NUP133: variants seen among roughly 807,000 people sequenced by gnomAD.
NUP133 encodes nucleoporin 133.
In NUP133, 66 loss-of-function variants were observed where a neutral mutation model predicts 146.2. That is an observed-to-expected ratio of 0.45 (90% CI 0.37 to 0.55). The LOEUF (loss-of-function observed/expected upper bound fraction) is 0.55, where lower values mean the gene tolerates loss of function less well. Ranked by LOEUF, NUP133 falls within the 20% of genes least tolerant of loss-of-function variation. The pLI is 0.00. For synonymous variants in NUP133, 521 were observed against 498.8 expected, an observed-to-expected ratio of 1.04 and a Z score of -0.59; for missense variants, 1,277 against 1,374.8, an observed-to-expected ratio of 0.93 and a Z score of 1.12.
intron 24 of NUP133, among the ~76,000 whole-genome samples, chr1:229,447,815 T>C (rs984645155): frequency 6.6e-6 from 1 of 152,182 alleles, no homozygotes; most frequent in Non-Finnish European, 1.5e-5. Context: ...CTGTATTCTA[T>C]GTGATACTTT....
chr1:229,454,011 T>C (rs1251412945), intron 21 of NUP133, among the ~76,000 whole-genome samples: 1 of 152,198 alleles, frequency 6.6e-6, no homozygotes, highest in African/African-American at 2.4e-5. Context: ...AATATATTGA[T>C]TGAAAATAAT....
chr1:229,466,885 G>C, intron 15 of NUP133, 129 bp from the exon 16 acceptor site: 2 of 695,350 alleles, frequency 2.9e-6, no homozygotes, highest in South Asian at 8.0e-5. Context: ...ATTGGCAGTT[G>C]ATGGTAAAAA....
intron 21 of NUP133, among the ~76,000 whole-genome samples, chr1:229,455,129 A>T (rs1456599272): frequency 6.6e-6 from 1 of 152,154 alleles, no homozygotes; most frequent in African/African-American, 2.4e-5. Context: ...CCTCAAAAGG[A>T]AAAAAATGAC....
intron 21 of NUP133, among the ~76,000 whole-genome samples, chr1:229,457,482 A>G (rs774205793): frequency 7.9e-5 from 12 of 152,168 alleles, no homozygotes; most frequent in Non-Finnish European, 1.6e-4. Context: ...CATAACCCAC[A>G]TACATCCTCC....
intron 21 of NUP133, among the ~76,000 whole-genome samples, chr1:229,454,577 G>T (rs1660521700): frequency 6.6e-6 from 1 of 152,184 alleles, no homozygotes; most frequent in Non-Finnish European, 1.5e-5. Flanking sequence ...TACCAGAAGA[G>T]TTATTTTTAA....
intron 19 of NUP133, among the ~76,000 whole-genome samples, chr1:229,462,004 C>T (rs761138427): frequency 2.0e-5 from 3 of 152,106 alleles, no homozygotes; most frequent in Non-Finnish European, 4.4e-5. Context: ...CTGCCTCAAC[C>T]TCCAGAACAG....
At chr1:229,459,539 A>G (rs1660646879) in intron 20 of NUP133, among the ~76,000 whole-genome samples, 1 of 152,072 alleles carries the variant, frequency 6.6e-6, no homozygotes, top group Admixed American at 6.6e-5. Context: ...GTGTGCGTAT[A>G]ACATCCCCTC....
At chr1:229,469,926 T>A (rs1321981521) in intron 15 of NUP133, among the ~76,000 whole-genome samples, 2 of 152,194 alleles carry the variant, frequency 1.3e-5, no homozygotes, top group Non-Finnish European at 2.9e-5. Flanking sequence ...CTTGGGAGGC[T>A]GAGGCAGGAG....
At chr1:229,456,226 A>G (rs73114343) in intron 21 of NUP133, among the ~76,000 whole-genome samples, 6,907 of 152,242 alleles carry the variant, frequency 0.045, 461 homozygotes, top group African/African-American at 0.15. Context: ...AGATTTGTCT[A>G]CTGATACTCC....
At chr1:229,499,932 A>C in intron 4 of NUP133, 114 bp from the exon 5 acceptor site, 2 of 1,274,426 alleles carry the variant, frequency 1.6e-6, no homozygotes, top group Non-Finnish European at 2.1e-6. Flanking sequence ...ATCAAGAAAA[A>C]TCAGAAATAA....
intron 20 of NUP133, among the ~76,000 whole-genome samples, chr1:229,459,884 G>T (rs945648948): frequency 1.3e-5 from 2 of 152,002 alleles, no homozygotes; most frequent in Non-Finnish European, 2.9e-5. Flanking sequence ...ACTCACAAGC[G>T]GGATTGCCAG....
In NUP133 at chr1:229,498,157, T is replaced by C. The variant is rs1039594721; in HGVS notation, c.798A>G (p.Leu266=). 1.9e-6 allele frequency: 3 copies of C among 1,609,012 alleles called. No homozygotes were observed. The highest frequency in any genetic ancestry group is 3.4e-5 in the Admixed American group (2 of 58,568). Residue 266 remains leucine, a synonymous_variant, in exon 6 of 26, where the codon TTA becomes TTG. Transcript: ENST00000261396. ...GRKVSSLFGI[L]SPSSDLTLSS... is the part of the protein sequence containing the mutation. ...TTACTGTGAGATCACTACTAGGAGA[T>C]AAAATTCCAAAAAGAGAAGAAACTT...
At chr1:229,448,030 A>T (rs920320847) in intron 24 of NUP133, among the ~76,000 whole-genome samples, 2 of 152,224 alleles carry the variant, frequency 1.3e-5, no homozygotes, top group African/African-American at 4.8e-5. Flanking sequence ...TGCTCATTAT[A>T]CACTAATTAC....
intron 16 of NUP133, 73 bp from the exon 17 acceptor site, chr1:229,465,592 C>G (rs2102758798): frequency 8.7e-7 from 1 of 1,148,736 alleles, no homozygotes; most frequent in Non-Finnish European, 1.3e-6. Flanking sequence ...TAATTTAAGA[C>G]AGCAAAGTAA....
intron 12 of NUP133, among the ~76,000 whole-genome samples, chr1:229,480,146 A>C (rs2102769590): frequency 6.6e-6 from 1 of 152,148 alleles, no homozygotes; most frequent in East Asian, 1.9e-4. Context: ...TGGGATCCAG[A>C]TACATTCATA....
intron 9 of NUP133, among the ~76,000 whole-genome samples, chr1:229,488,817 A>C (rs1215018774): frequency 1.3e-5 from 2 of 152,202 alleles, no homozygotes; most frequent in Non-Finnish European, 2.9e-5. Context: ...ACTGCACTCC[A>C]GTCCAAGCAA....
intron 11 of NUP133, among the ~76,000 whole-genome samples, 188 bp downstream of exon 11, chr1:229,486,183 C>G (rs535285574): frequency 1.3e-5 from 2 of 151,062 alleles, no homozygotes; most frequent in East Asian, 3.9e-4. Context: ...CAAACCAAAC[C>G]AAAAAACAAA....
intron 4 of NUP133, 47 bp downstream of exon 4, chr1:229,500,709 G>T: frequency 3.6e-6 from 4 of 1,100,154 alleles, no homozygotes; most frequent in East Asian, 2.5e-5. Context: ...ACTTTAGGAT[G>T]TCCTTGTTGT....
rs1558104933 is a variant in NUP133, at chr1:229,490,111, T to TA, written c.1047-10dup. On this transcript the variant is annotated splice_polypyrimidine_tract_variant and intron_variant, in intron 8 of 25. Transcript: ENST00000261396. ...AAATCACCAGCCCATCACTAATCAA[T>TA]AAAAAAGGAAGATGTAAAGCCTCTC... The TA allele has an allele frequency of 3.3e-6, 5 of 1,529,500 alleles. No homozygotes were observed. The highest frequency in any genetic ancestry group is 1.4e-5 in the African/African-American group (1 of 71,854). 94.7% of individuals were successfully genotyped at this position (1,529,500 alleles called of 1,614,324 possible).
Sources: gnomAD v4.1 joint callset for allele counts (sites outside exome capture counted in the v4.1 genomes callset) on GRCh38, gnomAD v4.1.1 for gene constraint, MANE v1.5 for transcripts, NCBI Gene and HGNC (gene_info 2026-07-23, HGNC 2026-07-21) for gene names.